The following MCRIP1 variants were observed in gnomAD, a reference collection of about 807,000 sequenced individuals.
MCRIP1 encodes mapk-regulated corepressor-interacting protein 1.
A neutral mutation model predicts 14.4 loss-of-function variants in MCRIP1; 10 were observed. The ratio of observed to expected loss-of-function variants is 0.70; its 90% CI spans 0.43 to 1.18. The LOEUF (loss-of-function observed/expected upper bound fraction) is 1.18, where lower values mean the gene tolerates loss of function less well. Ranked by LOEUF, MCRIP1 falls within the 50% of genes most tolerant of loss-of-function variation. The pLI, the probability that MCRIP1 is intolerant of heterozygous loss-of-function variation, is 0.00. For synonymous variants in MCRIP1, 53 were observed against 55.7 expected, an observed-to-expected ratio of 0.95 and a Z score of 0.21; for missense variants, 119 against 135.4, an observed-to-expected ratio of 0.88 and a Z score of 0.60.
intron 1 of MCRIP1, among the ~76,000 whole-genome samples, chr17:81,827,284 T>A (rs2038426763): frequency 6.6e-6 from 1 of 151,594 alleles, no homozygotes; most frequent in South Asian, 2.1e-4. Context: ...ATTTATTTAT[T>A]TATTTGAGAT....
intron 1 of MCRIP1, chr17:81,825,892 C>T (rs1567825247): frequency 7.7e-7 from 1 of 1,291,508 alleles, no homozygotes; most frequent in East Asian, 5.5e-5. Flanking sequence ...TTGAGGGTCC[C>T]ACAGGGACAT....
chr17:81,832,761 G>A (rs2038545856), intron 1 of MCRIP1, among the ~76,000 whole-genome samples: 1 of 152,252 alleles, frequency 6.6e-6, no homozygotes, highest in Admixed American at 6.5e-5. Context: ...ATCACCGCCC[G>A]GGGAGACGGG....
intron 1 of MCRIP1, chr17:81,824,858 C>A: frequency 7.8e-7 from 1 of 1,277,792 alleles, no homozygotes; most frequent in Non-Finnish European, 9.9e-7. Flanking sequence ...GAGGCCTCAG[C>A]CCCAGCACCG....
intron 1 of MCRIP1, among the ~76,000 whole-genome samples, chr17:81,832,929 C>A (rs1279911817): frequency 2.6e-5 from 4 of 152,194 alleles, no homozygotes; most frequent in Non-Finnish European, 4.4e-5. Flanking sequence ...AGAAGGCTGG[C>A]CCGCTGCGAG....
chr17:81,826,891 G>T (rs1228749206), intron 1 of MCRIP1, among the ~76,000 whole-genome samples: 1 of 151,174 alleles, frequency 6.6e-6, no homozygotes, highest in East Asian at 1.9e-4. Flanking sequence ...AGGCCGAGGC[G>T]GGTGGATCAC....
chr17:81,826,842 A>G (rs2038412110), intron 1 of MCRIP1, among the ~76,000 whole-genome samples: 2 of 139,136 alleles, frequency 1.4e-5, no homozygotes, highest in South Asian at 2.3e-4. Context: ...AAAAAAGGCC[A>G]GGCGTGGTGG....
rs2038296943 is a variant in MCRIP1 at position 81,822,884 on chromosome 17, G to A, written c.*363C>T. 1 of 418,972 alleles carries A rather than the reference G, an allele frequency of 2.4e-6. No homozygotes were observed. The highest frequency in any genetic ancestry group is 4.4e-6 in the Non-Finnish European group (1 of 228,108). 26.0% of individuals were successfully genotyped at this position (418,972 alleles called of 1,614,324 possible). On this transcript the variant is annotated 3_prime_UTR_variant, in exon 5 of 5. Coordinates refer to ENST00000455127, the MANE Select transcript of MCRIP1 (RefSeq NM_207368.5). Reference sequence around the variant, plus strand: ...CCCAGCAGCCTGGGAGGCAGCAGAGGCTCCTTCTTCTCCCCTCCTGATCCT... The same window carrying A: ...CCCAGCAGCCTGGGAGGCAGCAGAGACTCCTTCTTCTCCCCTCCTGATCCT...
At position 81,832,525 on chromosome 17, in the gene MCRIP1, T is replaced by A. The variant is rs760503248; in HGVS notation, c.-49+713A>T. 5.3e-5 allele frequency among the ~76,000 whole-genome samples: 8 copies of A among 152,352 alleles called. 1 individual carries two copies. The South Asian group carries it at 1.7e-3, about 32-fold the overall frequency. ...CCCAAAGTCCACTCACTGGTCCCTG[T>A]TTACACCTCAGGGCCTTTGGTCAAG... On this transcript the variant is annotated intron_variant, in intron 1 of 4. Coordinates refer to ENST00000455127, the MANE Select transcript of MCRIP1 (RefSeq NM_207368.5).
At chr17:81,825,690 T>C in intron 1 of MCRIP1, 1 of 1,289,346 alleles carries the variant, frequency 7.8e-7, no homozygotes, top group Non-Finnish European at 1.0e-6. Context: ...CTCCCAGCCC[T>C]GGAACTCTGT....
chr17:81,822,468 A>T lies in MCRIP1; in HGVS notation c.*779T>A, dbSNP rs1336565601. ...ACCCTCGAGCTCCACAGCCACACAG[A>T]CACTTAGCTTTCAGAGGGCACAGGA... is the stretch of plus-strand genomic sequence containing the variant. On this transcript the variant is annotated 3_prime_UTR_variant, in exon 5 of 5. Transcript: ENST00000455127. 1.3e-5 allele frequency: 2 copies of T among 152,480 alleles called. No homozygotes were observed. The highest frequency in any genetic ancestry group is 2.9e-5 in the Non-Finnish European group (2 of 68,426). 9.4% of individuals were successfully genotyped at this position (152,480 alleles called of 1,614,324 possible).
intron 1 of MCRIP1, chr17:81,824,841 A>C (rs1314287254): frequency 7.7e-7 from 1 of 1,306,394 alleles, no homozygotes; most frequent in East Asian, 3.1e-5. Context: ...TCTCAGGCTC[A>C]GACGTGGAGG....
chr17:81,828,786 G>A (rs1027532662), intron 1 of MCRIP1, among the ~76,000 whole-genome samples: 1 of 152,210 alleles, frequency 6.6e-6, no homozygotes, highest in South Asian at 2.1e-4. Flanking sequence ...CGGTGCCTGT[G>A]AGGGCAGGAA....
At chr17:81,827,808 T>G (rs1598253145) in intron 1 of MCRIP1, among the ~76,000 whole-genome samples, 2 of 132,350 alleles carry the variant, frequency 1.5e-5, no homozygotes. Flanking sequence ...TGAGATGGAG[T>G]CTCGCTCTGT....
At chr17:81,825,231 G>A (rs2038366169) in intron 1 of MCRIP1, 1 of 1,085,528 alleles carries the variant, frequency 9.2e-7, no homozygotes, top group Admixed American at 4.9e-5. Flanking sequence ...CCAAGACCCT[G>A]GGCTGCCGCC....
At position 81,823,536 on chromosome 17, in the gene MCRIP1, G is replaced by T. The variant is rs1598247610; in HGVS notation, c.128-23C>A. 6 of 1,532,030 alleles carry T rather than the reference G, an allele frequency of 3.9e-6. No homozygotes were observed. In the East Asian group the frequency reaches 1.5e-4, roughly 37 times the overall value. 94.9% of individuals were successfully genotyped at this position (1,532,030 alleles called of 1,614,324 possible). On this transcript the variant is annotated intron_variant, in intron 3 of 4. Transcript: ENST00000455127. This position sits in a 1 kb window ranked among gnomAD's most constrained non-coding sequence, Gnocchi z 6.0. ...AGGCTGCAGAGGCAGAGAGTGGTGT[G>T]CTCAGGGCCCCCTGCCCCAGGGGGT...
intron 1 of MCRIP1, chr17:81,826,083 G>C (rs778879593): frequency 3.8e-5 from 56 of 1,473,194 alleles, no homozygotes; most frequent in Non-Finnish European, 5.0e-5. Context: ...TCTGCCTCCA[G>C]TGGCCACTTG....
Position 81,823,043 on chromosome 17 carries a change from G to A in MCRIP1, c.*204C>T, listed in dbSNP as rs932647915. 4.8e-6 allele frequency: 3 copies of A among 621,214 alleles called. No individual in the cohort carries two copies. In the African/African-American group the frequency reaches 5.5e-5, roughly 11 times the overall value. 38.5% of individuals were successfully genotyped at this position (621,214 alleles called of 1,614,324 possible). ...GGGTGGGCAGGGCCCAGACCCCCAT[G>A]ATGGGGGCAGCCTGAGACCCCCAAG... is the stretch of plus-strand genomic sequence containing the variant. On this transcript the variant is annotated 3_prime_UTR_variant, in exon 5 of 5. Transcript: ENST00000455127. This position sits in a 1 kb window ranked among gnomAD's most constrained non-coding sequence, Gnocchi z 6.0.
At chr17:81,825,744 C>G (rs1304095328) in intron 1 of MCRIP1, 1 of 1,289,264 alleles carries the variant, frequency 7.8e-7, no homozygotes, top group African/African-American at 1.5e-5. Context: ...GGGCCAGGGG[C>G]TCCCCACCCA....
At chr17:81,832,683 G>C (rs2038543790) in intron 1 of MCRIP1, among the ~76,000 whole-genome samples, 1 of 152,270 alleles carries the variant, frequency 6.6e-6, no homozygotes, top group African/African-American at 2.4e-5. Context: ...CGCCCCCGCG[G>C]TCACAACCAC....
Sources: gnomAD v4.1 joint callset for allele counts (sites outside exome capture counted in the v4.1 genomes callset) on GRCh38, gnomAD v4.1.1 for gene constraint, Gnocchi (gnomAD v3.1) non-coding constraint, MANE v1.5 for transcripts, NCBI Gene and HGNC (gene_info 2026-07-23, HGNC 2026-07-21) for gene names.